Variants in FAM13A observed in about 807,000 individuals in gnomAD.
The protein encoded by FAM13A is protein FAM13A.
A neutral mutation model predicts 129.6 loss-of-function variants in FAM13A; 76 were observed. The observed-to-expected ratio is 0.59, with a 90% CI of 0.49 to 0.71. FAM13A has a LOEUF of 0.71. FAM13A is among the 30% of genes least tolerant of loss of function. The probability of loss-of-function intolerance (pLI) is 0.00; values close to 1 mark genes in which losing one functional copy is unlikely to be tolerated. For synonymous variants in FAM13A, 443 were observed against 449.9 expected, an observed-to-expected ratio of 0.98 and a Z score of 0.20; for missense variants, 1,108 against 1,249.3, an observed-to-expected ratio of 0.89 and a Z score of 1.70.
intron 8 of FAM13A, among the ~76,000 whole-genome samples, chr4:88,802,874 A>T (rs1186816160): frequency 6.6e-6 from 1 of 152,094 alleles, no homozygotes; most frequent in East Asian, 1.9e-4. Context: ...GAGGGCCGCT[A>T]TGGGTCATCT....
Position 88,727,881 on chromosome 4 carries a change from A to C in FAM13A, c.*652T>G, listed in dbSNP as rs1736738883. The C allele has an allele frequency of 6.6e-6, 1 of 152,456 alleles. No individual in the cohort carries two copies. The highest frequency in any genetic ancestry group is 6.5e-5 in the Admixed American group (1 of 15,292). 9.4% of individuals were successfully genotyped at this position (152,456 alleles called of 1,614,324 possible). A position where few individuals can be genotyped will look rare whatever the true frequency, so the allele number is the denominator to read the frequency against. On this transcript the variant is annotated 3_prime_UTR_variant, in exon 24 of 24. Transcript: ENST00000264344. ...ACCAAAATTCCTTGTCAGCTGAGGA[A>C]GTCCTGAAGAAACATCCTGAAGATG...
At chr4:88,811,634 T>C (rs972439237) in intron 7 of FAM13A, among the ~76,000 whole-genome samples, 10 of 151,870 alleles carry the variant, frequency 6.6e-5, no homozygotes, top group African/African-American at 2.4e-4. Flanking sequence ...TTACCTTCCA[T>C]TTGTTTTGCA....
At chr4:88,846,966 T>A (rs11946625) in intron 7 of FAM13A, among the ~76,000 whole-genome samples, 12,609 of 152,290 alleles carry the variant, frequency 0.083, 874 homozygotes, top group African/African-American at 0.19. Flanking sequence ...TATGTTACAC[T>A]TTTAACATGA....
At chr4:88,968,563 T>TA (rs757204461) in intron 4 of FAM13A, among the ~76,000 whole-genome samples, 11 of 152,196 alleles carry the variant, frequency 7.2e-5, no homozygotes, top group Non-Finnish European at 1.5e-4. Context: ...TTCTGCCCTA[T>TA]ATGCCCCAGA....
intron 8 of FAM13A, among the ~76,000 whole-genome samples, chr4:88,792,029 T>C (rs758875582): frequency 7.9e-5 from 12 of 152,070 alleles, no homozygotes; most frequent in Non-Finnish European, 1.2e-4. Flanking sequence ...CGTAAAATCA[T>C]GTGATTAGGT....
chr4:88,808,740 T>A (rs1181836534), intron 7 of FAM13A, among the ~76,000 whole-genome samples: 1 of 151,920 alleles, frequency 6.6e-6, no homozygotes, highest in African/African-American at 2.4e-5. Flanking sequence ...TGACTCTCAA[T>A]AATGACCAAG....
At chr4:88,830,548 T>G (rs1369457873) in intron 7 of FAM13A, among the ~76,000 whole-genome samples, 1 of 152,208 alleles carries the variant, frequency 6.6e-6, no homozygotes, top group Non-Finnish European at 1.5e-5. Flanking sequence ...CTATATAAGA[T>G]TGCAAAAGAA....
chr4:88,927,949 G>C (rs754352868), intron 5 of FAM13A, among the ~76,000 whole-genome samples: 3 of 151,918 alleles, frequency 2.0e-5, no homozygotes, highest in Non-Finnish European at 4.4e-5. Context: ...TGTGAAGTTA[G>C]GTTGTTAATT....
At chr4:88,870,625 G>T (rs886814378) in intron 6 of FAM13A, among the ~76,000 whole-genome samples, 2 of 152,200 alleles carry the variant, frequency 1.3e-5, no homozygotes, top group African/African-American at 4.8e-5. Flanking sequence ...TAAACAAAGC[G>T]GCCAGGAAGC....
At chr4:88,914,970 G>A (rs1749854544) in intron 5 of FAM13A, among the ~76,000 whole-genome samples, 2 of 152,136 alleles carry the variant, frequency 1.3e-5, no homozygotes, top group Admixed American at 6.5e-5. Flanking sequence ...ATTATGACAG[G>A]GAGGAACTGC....
intron 8 of FAM13A, among the ~76,000 whole-genome samples, chr4:88,797,031 A>G (rs1213965394): frequency 2.0e-5 from 3 of 151,958 alleles, no homozygotes; most frequent in Non-Finnish European, 4.4e-5. Context: ...ACCTGCTTCT[A>G]TTTTCCTGTT....
chr4:88,815,098 C>T (rs539536880), intron 7 of FAM13A, among the ~76,000 whole-genome samples: 1 of 152,256 alleles, frequency 6.6e-6, no homozygotes, highest in Admixed American at 6.5e-5. Flanking sequence ...CTGCCTCTGC[C>T]TACCAAAGCA....
intron 6 of FAM13A, among the ~76,000 whole-genome samples, chr4:88,888,919 G>C (rs967051738): frequency 6.3e-5 from 9 of 143,684 alleles, no homozygotes; most frequent in African/African-American, 1.5e-4. Context: ...CTGGGCGACA[G>C]AGCGAGACTC....
chr4:88,912,568 TACACACACACACACACAC>T (rs71594867), intron 5 of FAM13A, among the ~76,000 whole-genome samples: 7 of 146,098 alleles, frequency 4.8e-5, no homozygotes, highest in Non-Finnish European at 9.0e-5. Context: ...CACACATACA[TACACACACACACACACAC>T]ACACACACAC....
chr4:89,006,723 A>G (rs571551384), intron 3 of FAM13A, among the ~76,000 whole-genome samples: 22 of 152,268 alleles, frequency 1.4e-4, no homozygotes, highest in African/African-American at 3.1e-4. Flanking sequence ...GTCAGGTCAC[A>G]TGGATTTGAA....
intron 2 of FAM13A, among the ~76,000 whole-genome samples, chr4:89,029,018 T>C (rs995621276): frequency 6.6e-6 from 1 of 152,192 alleles, no homozygotes; most frequent in Non-Finnish European, 1.5e-5. Context: ...TACATCATAG[T>C]TTTTTGGTGT....
At chr4:88,815,379 C>T (rs2149798474) in intron 7 of FAM13A, among the ~76,000 whole-genome samples, 1 of 152,240 alleles carries the variant, frequency 6.6e-6, no homozygotes, top group South Asian at 2.1e-4. Flanking sequence ...AAACTAAAAT[C>T]AATTTCCATA....
At chr4:88,869,777 T>C (rs1008152244) in intron 6 of FAM13A, among the ~76,000 whole-genome samples, 2 of 152,190 alleles carry the variant, frequency 1.3e-5, no homozygotes, top group Non-Finnish European at 2.9e-5. Context: ...TAGACAATTA[T>C]GTATTCTGAA....
At position 88,727,037 on chromosome 4, in the gene FAM13A, G is replaced by A. The variant is rs181021098; in HGVS notation, c.*1496C>T. 3.9e-5 allele frequency: 6 copies of A among 152,340 alleles called. No homozygotes were observed. The highest frequency in any genetic ancestry group is 1.9e-4 in the East Asian group (1 of 5,188). 9.4% of individuals were successfully genotyped at this position (152,340 alleles called of 1,614,324 possible). Reference sequence around the variant, plus strand: ...CTCACGACCCTTTAAAACTGAAAACGGGTCAGTATAGTTTTACATTCTTTT... The same window carrying A: ...CTCACGACCCTTTAAAACTGAAAACAGGTCAGTATAGTTTTACATTCTTTT... On this transcript the variant is annotated 3_prime_UTR_variant, in exon 24 of 24. Transcript: ENST00000264344.
Sources: gnomAD v4.1 joint callset for allele counts (sites outside exome capture counted in the v4.1 genomes callset) on GRCh38, gnomAD v4.1.1 for gene constraint, MANE v1.5 for transcripts, NCBI Gene and HGNC (gene_info 2026-07-23, HGNC 2026-07-21) for gene names.